Variants in CDH4 observed in about 807,000 individuals in gnomAD.
CDH4 encodes the protein cadherin-4.
A neutral mutation model predicts 86.0 loss-of-function variants in CDH4; 33 were observed. The ratio of observed to expected loss-of-function variants is 0.38; its 90% CI spans 0.29 to 0.51. CDH4 has a LOEUF of 0.51. Ranked by LOEUF, CDH4 falls within the 20% of genes least tolerant of loss-of-function variation. The probability of loss-of-function intolerance (pLI) is 0.86; values close to 1 mark genes in which losing one functional copy is unlikely to be tolerated. For synonymous variants in CDH4, 555 were observed against 549.4 expected (o/e 1.01, Z -0.14); for missense variants, 1,114 against 1,307.4 (o/e 0.85, Z 2.28).
At chr20:61,569,218 C>CT (rs35236880) in intron 2 of CDH4, among the ~76,000 whole-genome samples, 4,203 of 152,310 alleles carry the variant, frequency 0.028, 78 homozygotes, top group Middle Eastern at 0.071. Flanking sequence ...TGATGATTAA[C>CT]TGAGATGAGA....
intron 2 of CDH4, among the ~76,000 whole-genome samples, chr20:61,447,390 G>C (rs1028813690): frequency 6.7e-6 from 1 of 149,526 alleles, no homozygotes; most frequent in Non-Finnish European, 1.5e-5. Context: ...GCCAAGCTGG[G>C]CTCAAACTCC....
rs955220338 is a variant in CDH4, at chr20:61,879,722, C to T, written c.1050+5822C>T. ...TGAGGAGGTGAACGTGCCGCCCGAG[C>T]CCCGTCCTGAAGGTGAGAGTGGGCT... On this transcript the variant is annotated intron_variant, in intron 7 of 15. Coordinates refer to ENST00000614565, the MANE Select transcript of CDH4 (RefSeq NM_001794.5). This position sits in a 1 kb window ranked among gnomAD's most constrained non-coding sequence, Gnocchi z 4.1. Among the ~76,000 whole-genome samples, 1 of 151,636 alleles carries T rather than the reference C, an allele frequency of 6.6e-6. No homozygotes were observed. The highest frequency in any genetic ancestry group is 6.6e-5 in the Admixed American group (1 of 15,198).
chr20:61,647,528 TCTCTCCCTCTCCCTCTCCCTCTCC>T (rs111670033), intron 2 of CDH4, among the ~76,000 whole-genome samples: 1 of 90,538 alleles, frequency 1.1e-5, no homozygotes, highest in African/African-American at 4.5e-5. Context: ...ACACATATTC[TCTCTCCCTCTCCCTCTCCCTCTCC>T]CTCTCCCTCT....
chr20:61,804,031 T>G (rs1230035180), intron 4 of CDH4, among the ~76,000 whole-genome samples: 1 of 152,220 alleles, frequency 6.6e-6, no homozygotes, highest in Non-Finnish European at 1.5e-5. Context: ...AACTCACAAA[T>G]GTTCTTGCCA....
intron 2 of CDH4, among the ~76,000 whole-genome samples, chr20:61,498,310 T>G (rs2085677262): frequency 6.6e-6 from 1 of 152,066 alleles, no homozygotes; most frequent in African/African-American, 2.4e-5. Flanking sequence ...GATTTTCCAG[T>G]TAATTGAAAA....
chr20:61,524,400 G>A (rs1381904594), intron 2 of CDH4, among the ~76,000 whole-genome samples: 1 of 152,168 alleles, frequency 6.6e-6, no homozygotes, highest in African/African-American at 2.4e-5. Context: ...GTGGGCTTGG[G>A]TCATGATGCA....
intron 2 of CDH4, among the ~76,000 whole-genome samples, chr20:61,637,905 C>T (rs1471030520): frequency 6.6e-6 from 1 of 151,952 alleles, no homozygotes; most frequent in African/African-American, 2.4e-5. Flanking sequence ...CCTGAAAGCC[C>T]AGCTATTTGG....
intron 2 of CDH4, among the ~76,000 whole-genome samples, chr20:61,396,829 G>A (rs113692884): frequency 2.6e-5 from 4 of 152,200 alleles, no homozygotes; most frequent in African/African-American, 7.2e-5. Context: ...GGTGGGGAGG[G>A]ATGCCCCAGG....
At chr20:61,705,303 G>A (rs528785679) in intron 2 of CDH4, among the ~76,000 whole-genome samples, 5 of 152,340 alleles carry the variant, frequency 3.3e-5, no homozygotes, top group African/African-American at 1.2e-4. Flanking sequence ...TCCCGGCCAG[G>A]CCCCTTCCAC....
chr20:61,823,793 C>T, intron 4 of CDH4, among the ~76,000 whole-genome samples: 1 of 152,172 alleles, frequency 6.6e-6, no homozygotes, highest in East Asian at 1.9e-4. Context: ...ATTTCTGTTG[C>T]CAGTTCATGT....
chr20:61,535,725 AG>A (rs2085991657), intron 2 of CDH4, among the ~76,000 whole-genome samples: 1 of 151,636 alleles, frequency 6.6e-6, no homozygotes, highest in Non-Finnish European at 1.5e-5. Flanking sequence ...CTCCATGGGG[AG>A]GGTATGGGGG....
intron 2 of CDH4, among the ~76,000 whole-genome samples, chr20:61,627,696 CG>C (rs1381093353): frequency 6.6e-6 from 1 of 151,464 alleles, no homozygotes; most frequent in Non-Finnish European, 1.5e-5. Flanking sequence ...CAGTGCCTCC[CG>C]CCCCCCGACT....
At chr20:61,870,219 G>A (rs570200351) in intron 6 of CDH4, among the ~76,000 whole-genome samples, 2 of 152,180 alleles carry the variant, frequency 1.3e-5, no homozygotes, top group Admixed American at 1.3e-4. Flanking sequence ...ATGCGTGACT[G>A]GCCCGAGTTC....
In CDH4 at chr20:61,830,622, C is replaced by G. The variant is rs536554096; in HGVS notation, c.577-14046C>G. 3.3e-5 allele frequency among the ~76,000 whole-genome samples: 5 copies of G among 152,356 alleles called. No individual in the cohort carries two copies. In the South Asian group the frequency reaches 1.0e-3, roughly 32 times the overall value. On this transcript the variant is annotated intron_variant, in intron 4 of 15. Transcript: ENST00000614565. ...TGCTGAGCTTGCCCACCTCAACAGA[C>G]GCCCTAGCGTGTGCTCCGGAGAGAC...
chr20:61,615,140 T>G (rs1255970425), intron 2 of CDH4, among the ~76,000 whole-genome samples: 1 of 144,918 alleles, frequency 6.9e-6, no homozygotes, highest in Non-Finnish European at 1.5e-5. Context: ...GTTTTTTTTT[T>G]GAGACAGAGT....
At chr20:61,820,853 C>G (rs1254488548) in intron 4 of CDH4, among the ~76,000 whole-genome samples, 4 of 152,134 alleles carry the variant, frequency 2.6e-5, no homozygotes, top group East Asian at 1.9e-4. Flanking sequence ...GGCTGTGCCC[C>G]CTTCAGGCCC....
intron 2 of CDH4, among the ~76,000 whole-genome samples, chr20:61,258,261 C>T (rs1399520969): frequency 5.5e-5 from 7 of 126,520 alleles, no homozygotes; most frequent in African/African-American, 2.1e-4. Flanking sequence ...AACCAGGAGG[C>T]GGAGCTTGCA....
At chr20:61,758,096 G>A (rs1046393332) in intron 3 of CDH4, among the ~76,000 whole-genome samples, 3 of 152,204 alleles carry the variant, frequency 2.0e-5, no homozygotes, top group African/African-American at 7.2e-5. Flanking sequence ...TGGCAGATGC[G>A]GTTTGGCAAA....
chr20:61,343,151 T>C (rs1409519263), intron 2 of CDH4, among the ~76,000 whole-genome samples: 2 of 152,240 alleles, frequency 1.3e-5, no homozygotes, highest in African/African-American at 4.8e-5. Context: ...TCATTCGTGC[T>C]GTGGCTGGTG....
Sources: allele counts gnomAD v4.1 joint callset (sites outside exome capture counted in the v4.1 genomes callset), GRCh38; gene constraint gnomAD v4.1.1; non-coding constraint Gnocchi (gnomAD v3.1); transcripts MANE v1.5; gene names NCBI Gene and HGNC (gene_info 2026-07-23, HGNC 2026-07-21).